The following DNAI7 variants were observed in gnomAD, a reference collection of about 807,000 sequenced individuals.
DNAI7 encodes dynein axonemal intermediate chain 7.
Under a neutral mutation model 86.6 loss-of-function variants are expected in DNAI7, and 78 were observed. The ratio of observed to expected loss-of-function variants is 0.90; its 90% CI spans 0.75 to 1.09. The LOEUF is 1.09. DNAI7 is among the 50% of genes least tolerant of loss of function. DNAI7 has a pLI of 0.00. For missense variants in DNAI7, 753 were observed against 810.2 expected (o/e 0.93, Z 0.86); for synonymous variants, 274 against 273.0 (o/e 1.00, Z -0.04).
At chr12:25,174,407 G>GGATATATATATCATATATATATCAT (rs1565810617) in intron 2 of DNAI7, among the ~76,000 whole-genome samples, 4 of 286 alleles carry the variant, frequency 0.014, 1 homozygote, top group Non-Finnish European at 0.065. Flanking sequence ...ATATATATGG[G>GGATATATATATCATATATATATCAT]ATATATGGGA....
Position 25,108,589 on chromosome 12 carries a change from A to G in DNAI7, c.2128T>C (p.Cys710Arg). 1 of 1,613,918 alleles carries G rather than the reference A, an allele frequency of 6.2e-7. No individual in the cohort carries two copies. The highest frequency in any genetic ancestry group is 8.5e-7 in the Non-Finnish European group (1 of 1,179,902). Residue 710 changes from cysteine to arginine, a missense_variant, in exon 16 of 16, where the codon TGC becomes CGC. Coordinates refer to ENST00000395987, the MANE Select transcript of DNAI7 (RefSeq NM_018272.5). ...SSNCQFVNSV[C>R]HMLLSTRLLS... ...AATCTGGTAGAGAGCAGCATGTGGC[A>G]CACAGAGTTGACAAACTGACAGTTG...
intron 2 of DNAI7, among the ~76,000 whole-genome samples, chr12:25,188,673 C>CA (rs71065918): frequency 6.4e-4 from 83 of 130,224 alleles, no homozygotes; most frequent in African/African-American, 2.4e-3. Flanking sequence ...GACTCTGTCT[C>CA]AAAAAAAAAA....
intron 9 of DNAI7, among the ~76,000 whole-genome samples, chr12:25,142,829 T>C (rs1057137238): frequency 3.9e-5 from 6 of 152,290 alleles, no homozygotes; most frequent in Non-Finnish European, 8.8e-5. Flanking sequence ...TCTATTTTTT[T>C]CCCCCTTGGA....
chr12:25,181,818 G>A (rs1949528343), intron 2 of DNAI7, among the ~76,000 whole-genome samples: 2 of 151,888 alleles, frequency 1.3e-5, no homozygotes, highest in Admixed American at 1.3e-4. Context: ...AAACCACAGT[G>A]AGATATCATC....
intron 2 of DNAI7, among the ~76,000 whole-genome samples, chr12:25,189,691 T>C (rs1435692324): frequency 6.6e-6 from 1 of 152,066 alleles, no homozygotes; most frequent in East Asian, 1.9e-4. Flanking sequence ...ATAATTGATC[T>C]GTAAAAGGGA....
Position 25,160,514 on chromosome 12 carries a change from G to A in DNAI7, c.106+599C>T, listed in dbSNP as rs140575803. 6.3e-3 allele frequency among the ~76,000 whole-genome samples: 956 copies of A among 152,054 alleles called. 9 individuals carry two copies. Among genetic ancestry groups the A allele is most frequent in the African/African-American group, 0.021 (888 of 41,464 alleles). ...CTGCTACCTGCTCTGCCCTGAATCC[G>A]GCCAAAGCGCTCACCCCGTCATTCT... On this transcript the variant is annotated intron_variant, in intron 3 of 15. Transcript: ENST00000395987.
At chr12:25,145,414 A>G (rs1199352911) in intron 8 of DNAI7, among the ~76,000 whole-genome samples, 1 of 152,176 alleles carries the variant, frequency 6.6e-6, no homozygotes, top group African/African-American at 2.4e-5. Context: ...CTTATCTCGT[A>G]AAAGACACCA....
chr12:25,133,304 T>A (rs747903076), intron 9 of DNAI7, among the ~76,000 whole-genome samples: 2 of 152,180 alleles, frequency 1.3e-5, no homozygotes, highest in Non-Finnish European at 1.5e-5. Context: ...CACTCCTATT[T>A]CTATCCATCA....
chr12:25,171,440 A>T (rs73286865), intron 2 of DNAI7, among the ~76,000 whole-genome samples: 3,062 of 152,266 alleles, frequency 0.02, 84 homozygotes, highest in African/African-American at 0.07. Flanking sequence ...TAGATCTCCA[A>T]ACAGACCAAT....
In DNAI7 at chr12:25,155,306, C is replaced by T. The variant is rs774402244; in HGVS notation, c.300+5G>A. 1.2e-5 allele frequency: 18 copies of T among 1,530,446 alleles called. No individual in the cohort carries two copies. The East Asian group carries it at 2.7e-4, about 23-fold the overall frequency. 94.8% of individuals were successfully genotyped at this position (1,530,446 alleles called of 1,614,324 possible). On this transcript the variant is annotated splice_donor_5th_base_variant and intron_variant, in intron 5 of 15. Transcript: ENST00000395987. Reference sequence around the variant, plus strand: ...TATTAGCTAAAAAAGAGAAATCAGTCCTACCTGAGAAAGCAATTTAGTTTC... The same window carrying T: ...TATTAGCTAAAAAAGAGAAATCAGTTCTACCTGAGAAAGCAATTTAGTTTC...
chr12:25,115,805 C>T (rs1939968053), intron 12 of DNAI7, among the ~76,000 whole-genome samples: 1 of 152,162 alleles, frequency 6.6e-6, no homozygotes, highest in South Asian at 2.1e-4. Context: ...CCAGCAATTC[C>T]ACTCTTAGGT....
At chr12:25,135,038 T>C (rs1943379845) in intron 9 of DNAI7, among the ~76,000 whole-genome samples, 1 of 152,114 alleles carries the variant, frequency 6.6e-6, no homozygotes, top group South Asian at 2.1e-4. Flanking sequence ...CATCATGAAC[T>C]TTTGCTCCAA....
intron 9 of DNAI7, among the ~76,000 whole-genome samples, chr12:25,129,742 T>C (rs1282583067): frequency 6.8e-6 from 1 of 146,268 alleles, no homozygotes; most frequent in Non-Finnish European, 1.5e-5. Context: ...TGTTTTTATT[T>C]TGGGTTTATT....
At chr12:25,108,136 C>T (rs1949346507), downstream of DNAI7, 3 of 1,509,402 alleles carry the variant, frequency 2.0e-6, 1 homozygote, top group African/African-American at 1.4e-5. Context: ...TAACTTTTAG[C>T]TGGGAAAGTA....
chr12:25,176,901 CT>C (rs761004608), intron 2 of DNAI7, among the ~76,000 whole-genome samples: 163 of 118,126 alleles, frequency 1.4e-3, no homozygotes, highest in African/African-American at 3.1e-3. Context: ...TAACCATTTT[CT>C]TTTTTTTTTT....
intron 1 of DNAI7, among the ~76,000 whole-genome samples, chr12:25,193,171 T>A (rs1011599786): frequency 1.3e-5 from 2 of 151,302 alleles, no homozygotes; most frequent in South Asian, 2.1e-4. Flanking sequence ...AGAAAAAAAA[T>A]TCATACGTTG....
chr12:25,152,797 T>C (rs990794100), intron 6 of DNAI7, among the ~76,000 whole-genome samples: 20 of 152,184 alleles, frequency 1.3e-4, no homozygotes, highest in Non-Finnish European at 2.9e-4. Flanking sequence ...GACACTTCAG[T>C]AGGAATCTGG....
intron 3 of DNAI7, among the ~76,000 whole-genome samples, chr12:25,160,629 C>G (rs958351954): frequency 3.3e-5 from 5 of 152,308 alleles, no homozygotes; most frequent in African/African-American, 4.8e-5. Flanking sequence ...CCACAGGCGC[C>G]AGGGATAAGA....
intron 9 of DNAI7, among the ~76,000 whole-genome samples, chr12:25,130,119 T>C (rs542838871): frequency 3.3e-5 from 5 of 152,332 alleles, no homozygotes; most frequent in South Asian, 2.1e-4. Flanking sequence ...TTAGAAGATA[T>C]GGTAACTGTT....
Sources: allele counts gnomAD v4.1 joint callset (sites outside exome capture counted in the v4.1 genomes callset), GRCh38; gene constraint gnomAD v4.1.1; transcripts MANE v1.5; gene names NCBI Gene and HGNC (gene_info 2026-07-23, HGNC 2026-07-21).